NXPH4: variants seen among roughly 807,000 people sequenced by gnomAD.
The protein encoded by NXPH4 is neurexophilin 4, also known as neurexophilin-4.
A neutral mutation model predicts 21.3 loss-of-function variants in NXPH4; 8 were observed. The observed-to-expected ratio is 0.38, with a 90% confidence interval of 0.22 to 0.68. NXPH4 has a LOEUF of 0.68. NXPH4 is among the 30% of genes least tolerant of loss of function. The pLI, the probability that NXPH4 is intolerant of heterozygous loss-of-function variation, is 0.53. For missense variants in NXPH4, 418 were observed against 416.8 expected (o/e 1.00, Z -0.03); for synonymous variants, 219 against 192.6 (o/e 1.14, Z -1.13).
Position 57,225,733 on chromosome 12 carries a change from C to G in NXPH4, c.913C>G (p.Pro305Ala), listed in dbSNP as rs1198045845. The change falls in exon 2 of 2, where the codon CCC becomes GCC. Residue 305 changes from proline to alanine, a missense_variant. By Grantham distance (27) the Pro-to-Ala change is conservative. Transcript: ENST00000349394. ...CPDYNFQSEH[P>A]YFG ...AGACTATAACTTCCAGAGTGAGCAC[C>G]CCTACTTCGGATAGCGCCCCTCCCC... 6.2e-7 allele frequency: 1 copy of G among 1,610,394 alleles called. No homozygotes were observed.
In NXPH4 at chr12:57,216,833, G is replaced by GCCGCCGCTCCCGCCGCTCCCGCCGCTC. The variant is rs549105121; in HGVS notation, c.-123_-97dup. The GCCGCCGCTCCCGCCGCTCCCGCCGCTC allele has an allele frequency of 3.9e-6, 1 of 258,534 alleles. No homozygotes were observed. Among genetic ancestry groups the GCCGCCGCTCCCGCCGCTCCCGCCGCTC allele is most frequent in the African/African-American group, 2.5e-5 (1 of 40,024 alleles). The allele number at this position is 258,534 out of a possible 1,614,324, so 16.0% of individuals were successfully genotyped here. A position where few individuals can be genotyped will look rare whatever the true frequency, so the allele number is the denominator to read the frequency against. ...GCCTCGCGCCCAGTCCGCGGGCCGCGCCGCCGCTCCCGCCGCTCCCGCCGC... is the reference window on the plus strand; with the variant it reads ...GCCTCGCGCCCAGTCCGCGGGCCGCGCCGCCGCTCCCGCCGCTCCCGCCGCTCCCGCCGCTCCCGCCGCTCCCGCCGC... On this transcript the variant is annotated 5_prime_UTR_variant, in exon 1 of 2. Transcript: ENST00000349394. The surrounding 1 kb of genome is among the most constrained non-coding windows in gnomAD (Gnocchi z 5.3).
At chr12:57,217,079 A>T (rs1420133148) in intron 1 of NXPH4, 53 bp downstream of exon 1, 19 of 1,482,094 alleles carry the variant, frequency 1.3e-5, no homozygotes, top group Non-Finnish European at 1.7e-5. Context: ...CCGGGACGCG[A>T]AGGTCCCAGT....
chr12:57,219,251 C>T (rs1210704357), intron 1 of NXPH4, among the ~76,000 whole-genome samples: 1 of 152,054 alleles, frequency 6.6e-6, no homozygotes, highest in Non-Finnish European at 1.5e-5. Flanking sequence ...CTCCCTTCCT[C>T]CTCACTCCAG....
chr12:57,220,279 C>A (rs915059542), intron 1 of NXPH4, among the ~76,000 whole-genome samples: 2 of 152,120 alleles, frequency 1.3e-5, no homozygotes, highest in Non-Finnish European at 2.9e-5. Flanking sequence ...CCCACTCCCC[C>A]TCCGGCTCCG....
rs2037041755 is a variant in NXPH4 at position 57,216,821 on chromosome 12, T to C, written c.-149T>C. On this transcript the variant is annotated 5_prime_UTR_variant, in exon 1 of 2. Transcript: ENST00000349394. The surrounding 1 kb of genome is among the most constrained non-coding windows in gnomAD (Gnocchi z 5.3). ...CGCCGGCTCCGCGCCTCGCGCCCAG[T>C]CCGCGGGCCGCGCCGCCGCTCCCGC... The C allele has an allele frequency of 1.2e-5, 3 of 251,128 alleles. No individual in the cohort carries two copies. In the African/African-American group the frequency reaches 1.2e-4, roughly 10 times the overall value. 15.6% of individuals were successfully genotyped at this position (251,128 alleles called of 1,614,324 possible).
rs1310371562 is a variant in NXPH4, at chr12:57,225,799, G to T, written c.*52G>T. 1 of 1,568,310 alleles carries T rather than the reference G, an allele frequency of 6.4e-7. No individual in the cohort carries two copies. On this transcript the variant is annotated 3_prime_UTR_variant, in exon 2 of 2. Coordinates refer to ENST00000349394, the MANE Select transcript of NXPH4 (RefSeq NM_007224.4). Reference sequence around the variant, plus strand: ...TCCCGCCAAATCCCAGCCTCACTAGGTGGGACCCCCTTCCCAGTGTTCTGC... The same window carrying T: ...TCCCGCCAAATCCCAGCCTCACTAGTTGGGACCCCCTTCCCAGTGTTCTGC...
At chr12:57,224,383 A>G (rs993622562) in intron 1 of NXPH4, among the ~76,000 whole-genome samples, 1 of 151,864 alleles carries the variant, frequency 6.6e-6, no homozygotes, top group Non-Finnish European at 1.5e-5. Flanking sequence ...CAGCCCCCCA[A>G]AGTGCTGGGA....
chr12:57,217,121 C>G, intron 1 of NXPH4, 95 bp downstream of exon 1: 4 of 1,165,836 alleles, frequency 3.4e-6, no homozygotes, highest in Middle Eastern at 2.9e-4. Context: ...CGCCCCGCCC[C>G]CAGCTCCGAG....
intron 1 of NXPH4, among the ~76,000 whole-genome samples, chr12:57,219,365 T>G (rs1368658394): frequency 6.6e-6 from 1 of 152,168 alleles, no homozygotes; most frequent in Non-Finnish European, 1.5e-5. Flanking sequence ...AGTCTCTGAC[T>G]CCTTTCCCTC....
rs1405842680 is a variant in NXPH4 at position 57,226,140 on chromosome 12, A to G, written c.*393A>G. ...ACCCTCACCCCACCCTGACTTTCCC[A>G]TCCCCCAGCGCTTGTCCTGCTTCAC... On this transcript the variant is annotated 3_prime_UTR_variant, in exon 2 of 2. Coordinates refer to ENST00000349394, the MANE Select transcript of NXPH4 (RefSeq NM_007224.4). The G allele has an allele frequency of 2.2e-6, 1 of 450,150 alleles. No homozygotes were observed. The highest frequency in any genetic ancestry group is 2.0e-5 in the African/African-American group (1 of 50,172). The allele number at this position is 450,150 out of a possible 1,614,324, so 27.9% of individuals were successfully genotyped here.
rs1473846839 is a variant in NXPH4 at position 57,226,022 on chromosome 12, A to G, written c.*275A>G. The G allele has an allele frequency of 2.7e-6, 3 of 1,094,936 alleles. No individual in the cohort carries two copies. Among genetic ancestry groups the G allele is most frequent in the East Asian group, 5.3e-5 (2 of 37,574 alleles). The allele number at this position is 1,094,936 out of a possible 1,614,324, so 67.8% of individuals were successfully genotyped here. A position where few individuals can be genotyped will look rare whatever the true frequency, so the allele number is the denominator to read the frequency against. On this transcript the variant is annotated 3_prime_UTR_variant, in exon 2 of 2. Coordinates refer to ENST00000349394, the MANE Select transcript of NXPH4 (RefSeq NM_007224.4). ...TAGGCGGGGCTTGGAGGCGGTCCCA[A>G]TGTCCCCTGGGTCCACAGTGGGTCC...
At chr12:57,222,780 GTCAA>G (rs1158424706) in intron 1 of NXPH4, among the ~76,000 whole-genome samples, 1 of 152,190 alleles carries the variant, frequency 6.6e-6, no homozygotes, top group Non-Finnish European at 1.5e-5. Flanking sequence ...GTCTGTGGGA[GTCAA>G]TCATTCTTGC....
chr12:57,217,030 A>G lies in NXPH4; in HGVS notation c.57+4A>G. The G allele has an allele frequency of 6.2e-7, 1 of 1,603,228 alleles. No individual in the cohort carries two copies. The highest frequency in any genetic ancestry group is 1.1e-5 in the South Asian group (1 of 89,394). On this transcript the variant is annotated splice_donor_region_variant and intron_variant, in intron 1 of 1. Coordinates refer to ENST00000349394, the MANE Select transcript of NXPH4 (RefSeq NM_007224.4). Reference sequence around the variant, plus strand: ...TGGCCCGTGGCTCCTTAGGAAGGTAAGAGTGGCAGGGCTGGGGCGCTAGCG... The same window carrying G: ...TGGCCCGTGGCTCCTTAGGAAGGTAGGAGTGGCAGGGCTGGGGCGCTAGCG...
In NXPH4 at chr12:57,217,011, G is replaced by T; in HGVS notation, c.42G>T (p.Pro14=). ...AATGGTTCCTCTTGCTCTTTGGCCC[G>T]TGGCTCCTTAGGAAGGTAAGAGTGG... ...LPEWFLLLFG[P]WLLRKAVSAQ... The change falls in exon 1 of 2, where the codon CCG becomes CCT. Residue 14 remains proline (P), a synonymous_variant. Coordinates refer to ENST00000349394, the MANE Select transcript of NXPH4 (RefSeq NM_007224.4). The T allele has an allele frequency of 1.2e-6, 2 of 1,606,706 alleles. No individual in the cohort carries two copies. Among genetic ancestry groups the T allele is most frequent in the Non-Finnish European group, 1.7e-6 (2 of 1,177,058 alleles).
Position 57,225,435 on chromosome 12 carries a change from G to T in NXPH4, c.615G>T (p.Gly205=), listed in dbSNP as rs761284599. Residue 205 remains glycine, a synonymous_variant, in exon 2 of 2, where the codon GGG becomes GGT. Coordinates refer to ENST00000349394, the MANE Select transcript of NXPH4 (RefSeq NM_007224.4). ...MAAAAAGPGL[G]GSLGGALAGP... is the part of the protein sequence containing the mutation. ...CAGCAGCGGCGGGGCCCGGGCTTGG[G>T]GGCTCCCTCGGGGGCGCACTGGCGG... is the stretch of plus-strand genomic sequence containing the variant. 4.4e-6 allele frequency: 7 copies of T among 1,603,296 alleles called. No individual in the cohort carries two copies. The highest frequency in any genetic ancestry group is 5.9e-6 in the Non-Finnish European group (7 of 1,177,672).
At chr12:57,218,875 G>A (rs2037063794) in intron 1 of NXPH4, among the ~76,000 whole-genome samples, 1 of 152,206 alleles carries the variant, frequency 6.6e-6, no homozygotes, top group African/African-American at 2.4e-5. Context: ...GCACTTGTGA[G>A]TGTGGCGTAT....
At chr12:57,217,073 G>A (rs774951798) in intron 1 of NXPH4, 47 bp downstream of exon 1, 43 of 1,527,916 alleles carry the variant, frequency 2.8e-5, no homozygotes, top group Non-Finnish European at 3.6e-5. Context: ...GGGGTTCCGG[G>A]ACGCGAAGGT....
At chr12:57,224,182 A>G (rs1327724445) in intron 1 of NXPH4, among the ~76,000 whole-genome samples, 1 of 151,244 alleles carries the variant, frequency 6.6e-6, no homozygotes, top group Non-Finnish European at 1.5e-5. Context: ...CTGGAGTGCA[A>G]TGGTGCGATC....
intron 1 of NXPH4, among the ~76,000 whole-genome samples, chr12:57,220,160 G>A (rs960590514): frequency 5.3e-5 from 8 of 152,164 alleles, no homozygotes; most frequent in Non-Finnish European, 7.4e-5. Flanking sequence ...GGCGTGGGGT[G>A]GGAAGCAGCT....
Sources: allele counts gnomAD v4.1 joint callset (sites outside exome capture counted in the v4.1 genomes callset), GRCh38; gene constraint gnomAD v4.1.1; non-coding constraint Gnocchi (gnomAD v3.1); transcripts MANE v1.5; gene names NCBI Gene and HGNC (gene_info 2026-07-23, HGNC 2026-07-21).